The following BRWD1 variants were observed in gnomAD, a reference collection of about 807,000 sequenced individuals.
BRWD1 encodes bromodomain and WD repeat domain containing 1, also known as bromodomain and WD repeat-containing protein 1.
BRWD1 carries 82 observed loss-of-function variants against 251.2 expected under a neutral mutation model. The observed-to-expected ratio is 0.33, with a 90% CI of 0.27 to 0.39. BRWD1 has a LOEUF of 0.39. Among genes scored for constraint, BRWD1 ranks in the 10% least tolerant of loss-of-function variants. The probability of loss-of-function intolerance (pLI) is 1.00; values close to 1 mark genes in which losing one functional copy is unlikely to be tolerated. For synonymous variants in BRWD1, 918 were observed against 902.8 expected (o/e 1.02, Z -0.30); for missense variants, 2,233 against 2,711.6 (o/e 0.82, Z 3.92).
At position 39,202,549 on chromosome 21, in the gene BRWD1, G is replaced by A; in HGVS notation, c.4365-4C>T. 6.2e-7 allele frequency: 1 copy of A among 1,601,882 alleles called. No individual in the cohort carries two copies. The highest frequency in any genetic ancestry group is 8.5e-7 in the Non-Finnish European group (1 of 1,170,164). On this transcript the variant is annotated splice_polypyrimidine_tract_variant and splice_region_variant and intron_variant, in intron 37 of 40. Transcript: ENST00000342449. ...TAACCTCTTCGGCTTGAGGTTTCTGGCCAAACATATGAACAAAGGAAACAG... is the reference window on the plus strand; with the variant it reads ...TAACCTCTTCGGCTTGAGGTTTCTGACCAAACATATGAACAAAGGAAACAG...
chr21:39,248,641 C>CAAAAAAAAAAAAAAAAA (rs375430016), intron 20 of BRWD1, among the ~76,000 whole-genome samples: 2 of 83,298 alleles, frequency 2.4e-5, no homozygotes, highest in East Asian at 4.0e-4. Flanking sequence ...CCCTATCTCC[C>CAAAAAAAAAAAAAAAAA]AAAAAAAAAA....
rs538036933 is a variant in BRWD1 at position 39,269,824 on chromosome 21, C to G, written c.1530+75G>C. 29 of 1,261,440 alleles carry G rather than the reference C, an allele frequency of 2.3e-5. 1 individual carries two copies. In the South Asian group the frequency reaches 7.8e-4, roughly 34 times the overall value. 78.1% of individuals were successfully genotyped at this position (1,261,440 alleles called of 1,614,324 possible). A position where few individuals can be genotyped will look rare whatever the true frequency, so the allele number is the denominator to read the frequency against. Reference sequence around the variant, plus strand: ...ACTGCCAAAACAAGCAGATCAATTTCTGGCTAAGCCGCATAACCCAAATAC... The same window carrying G: ...ACTGCCAAAACAAGCAGATCAATTTGTGGCTAAGCCGCATAACCCAAATAC... On this transcript the variant is annotated intron_variant, in intron 15 of 40. Coordinates refer to ENST00000342449, the MANE Select transcript of BRWD1 (RefSeq NM_033656.4).
At chr21:39,289,878 A>C (rs937992936) in intron 8 of BRWD1, among the ~76,000 whole-genome samples, 1 of 151,854 alleles carries the variant, frequency 6.6e-6, no homozygotes, top group Non-Finnish European at 1.5e-5. Flanking sequence ...ACAAAAAATT[A>C]GCCGGACGTG....
intron 26 of BRWD1, 31 bp downstream of exon 26, chr21:39,229,281 A>G: frequency 6.5e-7 from 1 of 1,536,982 alleles, no homozygotes; most frequent in Non-Finnish European, 8.9e-7. Context: ...ATTTAAATTT[A>G]AGTAATTCCA....
At chr21:39,282,482 T>C (rs1272363036) in intron 8 of BRWD1, among the ~76,000 whole-genome samples, 2 of 152,194 alleles carry the variant, frequency 1.3e-5, no homozygotes, top group African/African-American at 4.8e-5. Context: ...AAAGTTATAT[T>C]AGTAGTTGGA....
intron 17 of BRWD1, among the ~76,000 whole-genome samples, chr21:39,263,281 C>G (rs924795847): frequency 6.6e-6 from 1 of 152,062 alleles, no homozygotes; most frequent in African/African-American, 2.4e-5. Flanking sequence ...AATCCTCATC[C>G]AAACAAACAA....
intron 18 of BRWD1, among the ~76,000 whole-genome samples, chr21:39,258,144 T>C (rs1309354470): frequency 6.6e-6 from 1 of 152,180 alleles, no homozygotes; most frequent in Non-Finnish European, 1.5e-5. Flanking sequence ...AATCATACTC[T>C]ACCCAATACA....
intron 14 of BRWD1, 54 bp downstream of exon 14, chr21:39,270,224 AAAATT>A: frequency 6.9e-7 from 1 of 1,444,214 alleles, no homozygotes. Context: ...TTATAGCTTC[AAAATT>A]ACAATCATAT....
intron 8 of BRWD1, among the ~76,000 whole-genome samples, chr21:39,283,556 G>C (rs2035539274): frequency 6.6e-6 from 1 of 152,080 alleles, no homozygotes. Flanking sequence ...TAAAGTTCTG[G>C]TTTTAAGACA....
chr21:39,225,052 C>T, intron 28 of BRWD1, 34 bp downstream of exon 28: 6 of 1,398,702 alleles, frequency 4.3e-6, no homozygotes, highest in Non-Finnish European at 6.1e-6. Flanking sequence ...CACTGAATTA[C>T]TGGGAAATGA....
chr21:39,255,936 T>G (rs2034549486), intron 18 of BRWD1, 108 bp from the exon 19 acceptor site: 4 of 972,966 alleles, frequency 4.1e-6, no homozygotes, highest in Non-Finnish European at 6.0e-6. Context: ...AATAAAGAAC[T>G]AAGAGAAGAT....
rs181276439 is a variant in BRWD1 at position 39,193,395 on chromosome 21, G to C, written c.*2864C>G. ...TTTTATTCATAAGTTACTTCACATT[G>C]TAAGTATACCTTTTTAAATAAGGAG... On this transcript the variant is annotated 3_prime_UTR_variant, in exon 41 of 41. Transcript: ENST00000342449. 3 of 984,274 alleles carry C rather than the reference G, an allele frequency of 3.0e-6. No homozygotes were observed. Among genetic ancestry groups the C allele is most frequent in the Non-Finnish European group, 3.6e-6 (3 of 829,096 alleles). The allele number at this position is 984,274 out of a possible 1,614,324, so 61.0% of individuals were successfully genotyped here. A position where few individuals can be genotyped will look rare whatever the true frequency, so the allele number is the denominator to read the frequency against.
rs199609037 is a variant in BRWD1 at position 39,258,586 on chromosome 21, T to C, written c.1972A>G (p.Met658Val). 2.5e-5 allele frequency: 41 copies of C among 1,613,734 alleles called. 1 individual carries two copies. The highest frequency in any genetic ancestry group is 2.6e-5 in the Non-Finnish European group (31 of 1,179,754). Reference protein sequence around the residue: ...RSPESSILDGMIRQLQQQQDQ... With the variant: ...RSPESSILDGVIRQLQQQQDQ... ...TGCTGCTGCTGCAACTGTCTTATCA[T>C]TCCATCAAGAATACTCGATTCTGGG... The change falls in exon 18 of 41, where the codon ATG becomes GTG. Residue 658 changes from methionine (M) to valine (V), a missense_variant. Coordinates refer to ENST00000342449, the MANE Select transcript of BRWD1 (RefSeq NM_033656.4).
At chr21:39,220,720 T>C (rs114432478) in intron 29 of BRWD1, among the ~76,000 whole-genome samples, 182 of 152,236 alleles carry the variant, frequency 1.2e-3, no homozygotes, top group African/African-American at 4.0e-3. Context: ...TAAAAACATA[T>C]ATAAATGGAA....
intron 19 of BRWD1, among the ~76,000 whole-genome samples, chr21:39,253,994 T>A (rs1319885388): frequency 6.6e-6 from 1 of 152,114 alleles, no homozygotes; most frequent in Non-Finnish European, 1.5e-5. Context: ...AGGCTGGGCG[T>A]AGTGGCTCAC....
In BRWD1 at chr21:39,196,492, T is replaced by C; in HGVS notation, c.6577A>G (p.Thr2193Ala). ...GKAKVVRKGK[T>A]FTANISKTVR... is the part of the protein sequence containing the mutation. ...GTTTTAGATATGTTAGCTGTAAAAG[T>C]TTTACCTTTTCTAACTACTTTTGCT... The change falls in exon 41 of 41, where the codon ACT becomes GCT. Residue 2193 changes from threonine (T) to alanine (A), a missense_variant. By Grantham distance (58) the Thr-to-Ala change is moderately conservative. Transcript: ENST00000342449. 2 of 1,613,506 alleles carry C rather than the reference T, an allele frequency of 1.2e-6. No individual in the cohort carries two copies. The highest frequency in any genetic ancestry group is 1.7e-6 in the Non-Finnish European group (2 of 1,179,746).
At chr21:39,314,148 G>T (rs955120262), upstream of BRWD1, 3 of 455,946 alleles carry the variant, frequency 6.6e-6, no homozygotes, top group South Asian at 4.6e-5. Flanking sequence ...TCGCTTCGAG[G>T]ACAGGAAAGC....
At chr21:39,257,503 A>G (rs1026279436) in intron 18 of BRWD1, among the ~76,000 whole-genome samples, 1 of 152,190 alleles carries the variant, frequency 6.6e-6, no homozygotes, top group Non-Finnish European at 1.5e-5. Flanking sequence ...ATTAAAAGAC[A>G]TAATCCTAAA....
At position 39,198,815 on chromosome 21, in the gene BRWD1, A is replaced by T. The variant is rs749324088; in HGVS notation, c.5601T>A (p.Thr1867=). The change falls in exon 40 of 41, where the codon ACT becomes ACA. Residue 1867 remains threonine (T), a synonymous_variant. Coordinates refer to ENST00000342449, the MANE Select transcript of BRWD1 (RefSeq NM_033656.4). ...TTTTGTCATCATCTGAATCTAAATCAGTTTCACATCCATGATCTGAGGAAC... is the reference window on the plus strand; with the variant it reads ...TTTTGTCATCATCTGAATCTAAATCTGTTTCACATCCATGATCTGAGGAAC... ...SQCSSDHGCE[T]DLDSDDDKIE... The T allele has an allele frequency of 2.4e-5, 38 of 1,603,870 alleles. No homozygotes were observed. Among genetic ancestry groups the T allele is most frequent in the Middle Eastern group, 1.7e-4 (1 of 6,022 alleles).
Sources: gnomAD v4.1 joint callset for allele counts (sites outside exome capture counted in the v4.1 genomes callset) on GRCh38, gnomAD v4.1.1 for gene constraint, MANE v1.5 for transcripts, NCBI Gene and HGNC (gene_info 2026-07-23, HGNC 2026-07-21) for gene names.